The following CDCP2 variants were observed in gnomAD, a reference collection of about 807,000 sequenced individuals.
The protein encoded by CDCP2 is CUB domain-containing protein 2.
In CDCP2, 31 loss-of-function variants were observed where a neutral mutation model predicts 31.0. The observed-to-expected ratio is 1.00, with a 90% CI of 0.75 to 1.35. CDCP2 has a LOEUF of 1.35. CDCP2 is among the 40% of genes most tolerant of loss of function. The pLI is 0.00. For synonymous variants in CDCP2, 206 were observed against 207.9 expected, an observed-to-expected ratio of 0.99 and a Z score of 0.08; for missense variants, 443 against 482.6, an observed-to-expected ratio of 0.92 and a Z score of 0.77.
At chr1:54,137,569 A>C (rs1240594979) in intron 4 of CDCP2, among the ~76,000 whole-genome samples, 1 of 152,104 alleles carries the variant, frequency 6.6e-6, no homozygotes, top group Admixed American at 6.5e-5. Flanking sequence ...AGGATTTCAG[A>C]GTTCGTGGTC....
exon 2 of CDCP2, chr1:54,144,743 G>A: frequency 6.2e-7 from 1 of 1,614,182 alleles, no homozygotes; most frequent in Non-Finnish European, 8.5e-7. Context: ...TGTTGTAGGG[G>A]TACAGTCTAG....
intron 4 of CDCP2, chr1:54,139,322 C>T (rs554365702): frequency 1.7e-6 from 1 of 576,922 alleles, no homozygotes; most frequent in Admixed American, 3.4e-5. Flanking sequence ...AAAACAAGCA[C>T]CATGTTTTCA....
intron 1 of CDCP2, among the ~76,000 whole-genome samples, chr1:54,152,358 A>C (rs2100436564): frequency 6.6e-6 from 1 of 151,756 alleles, no homozygotes; most frequent in South Asian, 2.1e-4. Flanking sequence ...CTGCTACTCG[A>C]GAGGCTGAGA....
At chr1:54,134,454 G>A (rs1052237692) in intron 5 of CDCP2, among the ~76,000 whole-genome samples, 5 of 152,224 alleles carry the variant, frequency 3.3e-5, no homozygotes, top group Non-Finnish European at 5.9e-5. Context: ...GCAGCATTGT[G>A]ATGGGCAGTC....
intron 5 of CDCP2, among the ~76,000 whole-genome samples, chr1:54,134,419 T>TG (rs1381629984): frequency 6.6e-6 from 1 of 152,188 alleles, no homozygotes; most frequent in African/African-American, 2.4e-5. Context: ...CCTGAGACAA[T>TG]GGGCCTGCAG....
chr1:54,145,707 A>G lies in CDCP2; in HGVS notation c.80-894T>C, dbSNP rs142375307. 2.8e-3 allele frequency among the ~76,000 whole-genome samples: 430 copies of G among 152,340 alleles called. 2 individuals are homozygous for G. Among genetic ancestry groups the G allele is most frequent in the African/African-American group, 9.4e-3 (392 of 41,588 alleles). On this transcript the variant is annotated intron_variant, in intron 1 of 5. Coordinates refer to ENST00000530059, the Ensembl canonical transcript of CDCP2. ...TGATTTGCTTGTGTTTGACAAAAGA[A>G]AACAATGGAAGGAAACTAATAAGAA... is the stretch of plus-strand genomic sequence containing the variant.
intron 4 of CDCP2, 116 bp downstream of exon 4, chr1:54,139,637 A>T: frequency 6.8e-7 from 1 of 1,471,440 alleles, no homozygotes; most frequent in Admixed American, 2.1e-5. Flanking sequence ...GCTGGAGAAG[A>T]CCATTCATGG....
At chr1:54,148,796 C>T (rs989754248) in intron 1 of CDCP2, among the ~76,000 whole-genome samples, 13 of 151,034 alleles carry the variant, frequency 8.6e-5, no homozygotes, top group African/African-American at 2.7e-4. Flanking sequence ...TTTGGGAGGC[C>T]GAGGCAGAAG....
upstream of CDCP2, chr1:54,152,960 G>C (rs1373196394): frequency 6.3e-7 from 1 of 1,597,998 alleles, no homozygotes; most frequent in Non-Finnish European, 8.6e-7. Flanking sequence ...GCCGAGCTCA[G>C]GTAGGCCAGG....
chr1:54,139,787 G>A (rs996663653), exon 4 of CDCP2: 1 of 1,614,218 alleles, frequency 6.2e-7, no homozygotes, highest in Non-Finnish European at 8.5e-7. Flanking sequence ...CCCTGCGGGT[G>A]GTGCTGCGGT....
chr1:54,132,766 T>C (rs1659187728), downstream of CDCP2: 1 of 395,900 alleles, frequency 2.5e-6, no homozygotes, highest in African/African-American at 2.1e-5. Flanking sequence ...TACAAAGCTC[T>C]TATCCATCTC....
intron 1 of CDCP2, among the ~76,000 whole-genome samples, chr1:54,150,128 G>C (rs1659555541): frequency 6.6e-6 from 1 of 152,220 alleles, no homozygotes; most frequent in African/African-American, 2.4e-5. Flanking sequence ...CACCACCACA[G>C]TGACTGGCCC....
chr1:54,133,016 C>A, exon 6 of CDCP2: 1 of 399,070 alleles, frequency 2.5e-6, no homozygotes, highest in Non-Finnish European at 4.4e-6. Flanking sequence ...GGATTCCAGC[C>A]AGGATGCAAA....
At chr1:54,148,656 T>C (rs546932226) in intron 1 of CDCP2, among the ~76,000 whole-genome samples, 1 of 151,704 alleles carries the variant, frequency 6.6e-6, no homozygotes, top group Non-Finnish European at 1.5e-5. Flanking sequence ...AAGTCCAGAA[T>C]GTGGGAAGTT....
At position 54,133,678 on chromosome 1, in the gene CDCP2, T is replaced by C. The variant is rs190276452; in HGVS notation, c.1297-384A>G. 6.5e-3 allele frequency among the ~76,000 whole-genome samples: 987 copies of C among 152,200 alleles called. 15 individuals carry two copies. Among genetic ancestry groups the C allele is most frequent in the African/African-American group, 0.022 (928 of 41,540 alleles). Reference sequence around the variant, plus strand: ...GTGGGAGGCCAAGGCGGGCGGATCATGAGGTCAGGAGATCGAGACCATCCT... The same window carrying C: ...GTGGGAGGCCAAGGCGGGCGGATCACGAGGTCAGGAGATCGAGACCATCCT... On this transcript the variant is annotated intron_variant, in intron 5 of 5. Coordinates refer to ENST00000530059, the Ensembl canonical transcript of CDCP2.
chr1:54,144,509 G>A (rs1201355700), exon 2 of CDCP2: 1 of 1,602,198 alleles, frequency 6.2e-7, no homozygotes, highest in Admixed American at 1.7e-5. Context: ...CCACATGCTT[G>A]TCCGAGTGGA....
chr1:54,138,247 C>A (rs1659294887), intron 4 of CDCP2: 1 of 152,586 alleles, frequency 6.6e-6, no homozygotes, highest in East Asian at 1.9e-4. Context: ...CTGTCAATAT[C>A]CTCATCTTAC....
chr1:54,135,815 T>C (rs1202528477), intron 5 of CDCP2, among the ~76,000 whole-genome samples: 1 of 152,142 alleles, frequency 6.6e-6, no homozygotes, highest in African/African-American at 2.4e-5. Flanking sequence ...TACATGTGGC[T>C]AATGTTGGGA....
intron 5 of CDCP2, among the ~76,000 whole-genome samples, chr1:54,136,013 G>A (rs1557704926): frequency 6.6e-6 from 1 of 152,170 alleles, no homozygotes; most frequent in Non-Finnish European, 1.5e-5. Context: ...GACTCTGTGA[G>A]GGCCCTAAGT....
Sources: gnomAD v4.1 joint callset for allele counts (sites outside exome capture counted in the v4.1 genomes callset) on GRCh38, gnomAD v4.1.1 for gene constraint, MANE v1.5 for transcripts, NCBI Gene and HGNC (gene_info 2026-07-23, HGNC 2026-07-21) for gene names.